Variants in MACROD2 observed in about 807,000 individuals in gnomAD.
The protein encoded by MACROD2 is mono-ADP ribosylhydrolase 2, also known as ADP-ribose glycohydrolase MACROD2.
MACROD2 carries 36 observed loss-of-function variants against 70.4 expected under a neutral mutation model. The ratio of observed to expected loss-of-function variants is 0.51; its 90% confidence interval spans 0.39 to 0.68. The LOEUF (loss-of-function observed/expected upper bound fraction) is 0.68. Ranked by LOEUF, MACROD2 falls within the 30% of genes least tolerant of loss-of-function variation. The probability of loss-of-function intolerance (pLI) is 0.00; values close to 1 mark genes in which losing one functional copy is unlikely to be tolerated. For synonymous variants in MACROD2, 172 were observed against 178.8 expected (o/e 0.96, Z 0.30); for missense variants, 496 against 538.4 (o/e 0.92, Z 0.78).
intron 15 of MACROD2, among the ~76,000 whole-genome samples, chr20:16,016,662 A>G: frequency 6.6e-6 from 1 of 152,070 alleles, no homozygotes; most frequent in Non-Finnish European, 1.5e-5. Context: ...CAGCCTCCCG[A>G]GTAGCTGGGA....
chr20:15,923,289 C>A (rs75578931), intron 10 of MACROD2, among the ~76,000 whole-genome samples: 12,039 of 152,134 alleles, frequency 0.079, 725 homozygotes, highest in East Asian at 0.29. Flanking sequence ...GACTCTTCTT[C>A]CATGGCGGTG....
intron 6 of MACROD2, among the ~76,000 whole-genome samples, chr20:15,245,830 A>G (rs2077100372): frequency 6.6e-6 from 1 of 152,220 alleles, no homozygotes; most frequent in African/African-American, 2.4e-5. Context: ...TCAACTTACC[A>G]TGGGTTTATC....
chr20:14,753,363 A>G (rs149158087), intron 5 of MACROD2, among the ~76,000 whole-genome samples: 1 of 152,180 alleles, frequency 6.6e-6, no homozygotes, highest in East Asian at 1.9e-4. Context: ...CCAGCACCCA[A>G]CCTAGGACCT....
chr20:15,554,744 C>A (rs2048144143), intron 8 of MACROD2, among the ~76,000 whole-genome samples: 1 of 152,064 alleles, frequency 6.6e-6, no homozygotes, highest in Non-Finnish European at 1.5e-5. Flanking sequence ...TTAAATGGAA[C>A]TGAAGTAGCA....
intron 5 of MACROD2, among the ~76,000 whole-genome samples, chr20:14,824,983 A>T (rs1414210567): frequency 6.6e-6 from 1 of 152,098 alleles, no homozygotes; most frequent in African/African-American, 2.4e-5. Flanking sequence ...GACCTGCAGG[A>T]GGTTACAAAG....
chr20:14,882,712 T>A (rs1198153060), intron 5 of MACROD2, among the ~76,000 whole-genome samples: 2 of 152,184 alleles, frequency 1.3e-5, no homozygotes, highest in African/African-American at 2.4e-5. Flanking sequence ...GTTGAATAGA[T>A]CAGAGTACGG....
intron 7 of MACROD2, among the ~76,000 whole-genome samples, chr20:15,455,382 G>A (rs1267582433): frequency 1.3e-5 from 2 of 152,132 alleles, no homozygotes; most frequent in East Asian, 3.9e-4. Flanking sequence ...TGATTAATGA[G>A]TTGTCACTGT....
At chr20:15,098,866 T>C (rs1033639874) in intron 5 of MACROD2, among the ~76,000 whole-genome samples, 1 of 152,196 alleles carries the variant, frequency 6.6e-6, no homozygotes. Flanking sequence ...AGCTCAGAAG[T>C]GAAAAGCTGC....
intron 8 of MACROD2, among the ~76,000 whole-genome samples, chr20:15,783,913 C>T (rs1464490091): frequency 6.6e-6 from 1 of 152,130 alleles, no homozygotes; most frequent in Non-Finnish European, 1.5e-5. Flanking sequence ...TCCCACTTCA[C>T]ACGGATGCTG....
At chr20:14,500,327 G>A (rs1568641458) in intron 4 of MACROD2, among the ~76,000 whole-genome samples, 1 of 152,166 alleles carries the variant, frequency 6.6e-6, no homozygotes, top group Non-Finnish European at 1.5e-5. Flanking sequence ...GCAAAGTCTG[G>A]TGGTCATCGC....
chr20:15,000,750 C>T (rs531950692), intron 5 of MACROD2, among the ~76,000 whole-genome samples: 4 of 149,626 alleles, frequency 2.7e-5, no homozygotes, highest in Non-Finnish European at 5.9e-5. Context: ...GTGTGTTATC[C>T]TTAGGTGGAA....
chr20:15,589,627 A>T (rs2048651387), intron 8 of MACROD2, among the ~76,000 whole-genome samples: 1 of 152,200 alleles, frequency 6.6e-6, no homozygotes, highest in Non-Finnish European at 1.5e-5. Flanking sequence ...ATCCTATAAT[A>T]TCATACACAG....
chr20:14,381,689 A>G (rs2083421760), intron 3 of MACROD2, among the ~76,000 whole-genome samples: 1 of 152,228 alleles, frequency 6.6e-6, no homozygotes, highest in Non-Finnish European at 1.5e-5. Context: ...CATGAAGAAT[A>G]TGTGTGCTTA....
intron 5 of MACROD2, among the ~76,000 whole-genome samples, chr20:15,182,821 G>A (rs1306533701): frequency 6.6e-6 from 1 of 152,128 alleles, no homozygotes; most frequent in African/African-American, 2.4e-5. Context: ...TTTAGGATGT[G>A]TTCACCGTAA....
intron 5 of MACROD2, among the ~76,000 whole-genome samples, chr20:14,736,664 T>C (rs1199344076): frequency 6.6e-6 from 1 of 152,248 alleles, no homozygotes; most frequent in East Asian, 1.9e-4. Context: ...TTTGCATGGA[T>C]TTGCCCATTT....
chr20:15,574,811 G>A (rs2146633917), intron 8 of MACROD2, among the ~76,000 whole-genome samples: 1 of 152,254 alleles, frequency 6.6e-6, no homozygotes, highest in Middle Eastern at 3.4e-3. Context: ...CCAGTTATCA[G>A]GCATGAGCAA....
intron 3 of MACROD2, among the ~76,000 whole-genome samples, chr20:14,206,560 A>G (rs1231740500): frequency 6.6e-6 from 1 of 152,010 alleles, no homozygotes; most frequent in African/African-American, 2.4e-5. Flanking sequence ...GTAGTTCTCA[A>G]ATTCTTCTGT....
At chr20:14,635,110 G>C (rs1327651359) in intron 4 of MACROD2, among the ~76,000 whole-genome samples, 1 of 152,164 alleles carries the variant, frequency 6.6e-6, no homozygotes, top group South Asian at 2.1e-4. Context: ...TTGTCAGAAA[G>C]AAACTCCAGG....
At chr20:14,683,494 T>C (rs1432002509) in intron 4 of MACROD2, among the ~76,000 whole-genome samples, 1 of 152,188 alleles carries the variant, frequency 6.6e-6, no homozygotes, top group Non-Finnish European at 1.5e-5. Context: ...ATTTATTTTT[T>C]TGTGAGTGTC....
Sources: gnomAD v4.1 joint callset for allele counts (sites outside exome capture counted in the v4.1 genomes callset) on GRCh38, gnomAD v4.1.1 for gene constraint, MANE v1.5 for transcripts, NCBI Gene and HGNC (gene_info 2026-07-23, HGNC 2026-07-21) for gene names.